Variants in AFAP1L2 observed in about 807,000 individuals in gnomAD.
AFAP1L2 encodes actin filament associated protein 1 like 2, also known as actin filament-associated protein 1-like 2.
In AFAP1L2, 46 loss-of-function variants were observed where a neutral mutation model predicts 99.3. The observed-to-expected ratio is 0.46, with a 90% CI of 0.37 to 0.59. The LOEUF (loss-of-function observed/expected upper bound fraction) is 0.59. Ranked by LOEUF, AFAP1L2 falls within the 20% of genes least tolerant of loss-of-function variation. The probability of loss-of-function intolerance (pLI) is 0.00; values close to 1 mark genes in which losing one functional copy is unlikely to be tolerated. For synonymous variants in AFAP1L2, 397 were observed against 419.1 expected (o/e 0.95, Z 0.64); for missense variants, 959 against 1,034.9 (o/e 0.93, Z 1.01).
Position 114,314,054 on chromosome 10 carries a change from G to A in AFAP1L2, c.613-4C>T, listed in dbSNP as rs1229885006. ...GGTCCTTGGAGGATTTGTAGCACTGGAAGGAAAGAGAGAAGATACACCACT... is the reference window on the plus strand; with the variant it reads ...GGTCCTTGGAGGATTTGTAGCACTGAAAGGAAAGAGAGAAGATACACCACT... On this transcript the variant is annotated splice_region_variant and splice_polypyrimidine_tract_variant and intron_variant, in intron 6 of 18. Transcript: ENST00000304129. The A allele has an allele frequency of 1.2e-6, 2 of 1,607,634 alleles. No individual in the cohort carries two copies. The highest frequency in any genetic ancestry group is 1.7e-6 in the Non-Finnish European group (2 of 1,174,830).
chr10:114,285,874 G>C, the AFAP1L2 span: 1 of 1,470,914 alleles, frequency 6.8e-7, no homozygotes, highest in African/African-American at 1.4e-5. Context: ...TCGGCATCTC[G>C]GGTGGGACAG....
At chr10:114,351,477 G>A (rs567845687) in intron 1 of AFAP1L2, among the ~76,000 whole-genome samples, 151 of 152,166 alleles carry the variant, frequency 9.9e-4, no homozygotes, top group Non-Finnish European at 1.6e-3. Flanking sequence ...TGTGCTGGTC[G>A]GGACCTTTTC....
rs2058534181 is a variant in AFAP1L2, at chr10:114,404,424, G to C, written c.16+16C>G. ...AGGGAGTGGGTGTGCGCCGCGCGAGGAACCCGCGCCCTCACCTTTGTACCG... is the reference window on the plus strand; with the variant it reads ...AGGGAGTGGGTGTGCGCCGCGCGAGCAACCCGCGCCCTCACCTTTGTACCG... On this transcript the variant is annotated intron_variant, in intron 1 of 18. Coordinates refer to ENST00000304129, the MANE Select transcript of AFAP1L2 (RefSeq NM_001001936.3). 2 of 1,542,318 alleles carry C rather than the reference G, an allele frequency of 1.3e-6. No homozygotes were observed. Among genetic ancestry groups the C allele is most frequent in the Non-Finnish European group, 1.7e-6 (2 of 1,145,626 alleles).
chr10:114,376,184 G>T (rs1327659523), intron 1 of AFAP1L2, among the ~76,000 whole-genome samples: 1 of 152,176 alleles, frequency 6.6e-6, no homozygotes, highest in Non-Finnish European at 1.5e-5. Flanking sequence ...GAGACTGTGA[G>T]ATCTTCCAGG....
At chr10:114,360,214 G>C (rs7076621) in intron 1 of AFAP1L2, among the ~76,000 whole-genome samples, 14,737 of 152,106 alleles carry the variant, frequency 0.097, 1,843 homozygotes, top group African/African-American at 0.29. Flanking sequence ...CTGCCTGTCG[G>C]TCTGAGCTGA....
At chr10:114,348,661 C>T (rs925624265) in intron 1 of AFAP1L2, among the ~76,000 whole-genome samples, 7 of 152,194 alleles carry the variant, frequency 4.6e-5, no homozygotes, top group African/African-American at 9.7e-5. Flanking sequence ...TTTAAGTTCA[C>T]GCAATGTGTA....
At chr10:114,356,277 T>C (rs1400810470) in intron 1 of AFAP1L2, among the ~76,000 whole-genome samples, 3 of 152,158 alleles carry the variant, frequency 2.0e-5, no homozygotes, top group South Asian at 2.1e-4. Flanking sequence ...TTATAGTAAG[T>C]GGGATAAACA....
At chr10:114,301,586 G>A (rs535808060) in intron 12 of AFAP1L2, 121 bp from the exon 13 acceptor site, 1 of 701,120 alleles carries the variant, frequency 1.4e-6, no homozygotes, top group African/African-American at 1.7e-5. Flanking sequence ...CAAGAGATCT[G>A]GGGGCTGACA....
At chr10:114,327,147 T>TATATATATATATA (rs2046408453) in intron 4 of AFAP1L2, among the ~76,000 whole-genome samples, 3 of 54,568 alleles carry the variant, frequency 5.5e-5, no homozygotes, top group Non-Finnish European at 9.7e-5. Flanking sequence ...TTATATATAT[T>TATATATATATATA]TATATATATA....
intron 4 of AFAP1L2, among the ~76,000 whole-genome samples, chr10:114,325,064 G>A (rs2046041504): frequency 6.6e-6 from 1 of 152,188 alleles, no homozygotes; most frequent in Non-Finnish European, 1.5e-5. Flanking sequence ...GGACTCTACA[G>A]TCTGTTTATA....
At chr10:114,311,375 C>T (rs545083301) in intron 7 of AFAP1L2, among the ~76,000 whole-genome samples, 2 of 152,324 alleles carry the variant, frequency 1.3e-5, no homozygotes, top group East Asian at 3.9e-4. Context: ...TTCATAGATC[C>T]CCCTCTTTCA....
intron 1 of AFAP1L2, among the ~76,000 whole-genome samples, chr10:114,346,750 T>C (rs1315165761): frequency 6.6e-6 from 1 of 152,240 alleles, no homozygotes; most frequent in Non-Finnish European, 1.5e-5. Context: ...ATCCCGGCTC[T>C]GTTAAAGTTC....
chr10:114,312,375 A>G (rs188641530), intron 7 of AFAP1L2, among the ~76,000 whole-genome samples: 165 of 152,188 alleles, frequency 1.1e-3, no homozygotes, highest in Non-Finnish European at 1.9e-3. Flanking sequence ...TGTATACATG[A>G]ATGTGCATGT....
chr10:114,305,679 G>C (rs1240465884), intron 10 of AFAP1L2, among the ~76,000 whole-genome samples: 8 of 146,628 alleles, frequency 5.5e-5, no homozygotes, highest in South Asian at 4.4e-4. Context: ...GTGCAGGAGG[G>C]GACGGGGCTG....
chr10:114,314,397 G>C (rs187067853), intron 6 of AFAP1L2, among the ~76,000 whole-genome samples: 4 of 152,348 alleles, frequency 2.6e-5, no homozygotes, highest in African/African-American at 9.6e-5. Flanking sequence ...AAAGTGGACA[G>C]ACTTTCACTG....
chr10:114,289,418 C>T, the AFAP1L2 span: 1 of 1,614,204 alleles, frequency 6.2e-7, no homozygotes, highest in Non-Finnish European at 8.5e-7. Context: ...CCCCGGGATT[C>T]CCTGATCCAC....
chr10:114,371,512 G>A (rs1450802637), intron 1 of AFAP1L2, among the ~76,000 whole-genome samples: 1 of 152,060 alleles, frequency 6.6e-6, no homozygotes. Context: ...AAACTCCTAT[G>A]TTTACTTTTT....
At chr10:114,379,438 A>G (rs141797882) in intron 1 of AFAP1L2, among the ~76,000 whole-genome samples, 36 of 152,260 alleles carry the variant, frequency 2.4e-4, no homozygotes, top group African/African-American at 8.4e-4. Context: ...TGGACTAAAT[A>G]TACTATTTTC....
At chr10:114,353,517 C>T (rs2050854859) in intron 1 of AFAP1L2, among the ~76,000 whole-genome samples, 2 of 152,102 alleles carry the variant, frequency 1.3e-5, no homozygotes, top group African/African-American at 4.8e-5. Flanking sequence ...GCATTACCAT[C>T]CCCAGATTTG....
Sources: allele counts gnomAD v4.1 joint callset (sites outside exome capture counted in the v4.1 genomes callset), GRCh38; gene constraint gnomAD v4.1.1; transcripts MANE v1.5; gene names NCBI Gene and HGNC (gene_info 2026-07-23, HGNC 2026-07-21).